Variants in C4BPA observed in about 807,000 individuals in gnomAD.
The protein encoded by C4BPA is complement component 4 binding protein alpha, also known as C4b-binding protein alpha chain.
Under a neutral mutation model 63.7 loss-of-function variants are expected in C4BPA, and 31 were observed. The observed-to-expected ratio is 0.49, with a 90% CI of 0.37 to 0.66. C4BPA has a LOEUF of 0.66. Among genes scored for constraint, C4BPA ranks in the 30% least tolerant of loss-of-function variants. C4BPA has a pLI of 0.00. For missense variants in C4BPA, 572 were observed against 723.3 expected (o/e 0.79, Z 2.40); for synonymous variants, 259 against 254.7 (o/e 1.02, Z -0.16).
At chr1:207,142,794 TG>T (rs1264381319) in intron 10 of C4BPA, among the ~76,000 whole-genome samples, 16 of 152,184 alleles carry the variant, frequency 1.1e-4, no homozygotes, top group Non-Finnish European at 2.9e-5. Flanking sequence ...GTTGGGATTC[TG>T]GGGTCACATA....
rs78558238 is a variant in C4BPA at position 207,137,998 on chromosome 1, T to C, written c.1274-3108T>C. ...TAATGGGGAATGTCCAACCCTCTCT[T>C]CCAACATGGCCTGAACAAGATGTTC... On this transcript the variant is annotated intron_variant, in intron 9 of 11. Coordinates refer to ENST00000367070, the MANE Select transcript of C4BPA (RefSeq NM_000715.4). Among the ~76,000 whole-genome samples the C allele has an allele frequency of 2.6e-3, 399 of 152,322 alleles. 1 individual carries two copies. Among genetic ancestry groups the C allele is most frequent in the African/African-American group, 9.4e-3 (390 of 41,562 alleles).
intron 6 of C4BPA, 67 bp from the exon 7 acceptor site, chr1:207,126,646 G>A: frequency 8.8e-7 from 1 of 1,141,694 alleles, no homozygotes; most frequent in Non-Finnish European, 1.3e-6. Context: ...TGGATTAGCA[G>A]TGGCAGTAAT....
rs991616496 is a variant in C4BPA, at chr1:207,134,664, G to T, written c.1273+72G>T. Reference sequence around the variant, plus strand: ...GTGTGATGGAGATTATTAAGAGAAGGTTTAAAATTAGGTAAAAAAATTCAT... The same window carrying T: ...GTGTGATGGAGATTATTAAGAGAAGTTTTAAAATTAGGTAAAAAAATTCAT... On this transcript the variant is annotated intron_variant, in intron 9 of 11. Coordinates refer to ENST00000367070, the MANE Select transcript of C4BPA (RefSeq NM_000715.4). 1.1e-5 allele frequency: 12 copies of T among 1,136,552 alleles called. No homozygotes were observed. In the South Asian group the frequency reaches 2.0e-4, roughly 19 times the overall value. The allele number at this position is 1,136,552 out of a possible 1,614,324, so 70.4% of individuals were successfully genotyped here.
chr1:207,115,421 C>A lies in C4BPA; in HGVS notation c.334C>A (p.Arg112=). Reference sequence around the variant, plus strand: ...CATTTAAATTTTTCTCCCAGACAAACGATGCAGACACCCAGGAGAGTTACG... The same window carrying A: ...CATTTAAATTTTTCTCCCAGACAAAAGATGCAGACACCCAGGAGAGTTACG... ...WVYNTFCIYK[R]CRHPGELRNG... is the part of the protein sequence containing the mutation. Residue 112 remains arginine, a synonymous_variant, in exon 4 of 12, where the codon CGA becomes AGA. Coordinates refer to ENST00000367070, the MANE Select transcript of C4BPA (RefSeq NM_000715.4). 6.4e-7 allele frequency: 1 copy of A among 1,573,822 alleles called. No individual in the cohort carries two copies. Among genetic ancestry groups the A allele is most frequent in the Non-Finnish European group, 8.6e-7 (1 of 1,158,344 alleles).
chr1:207,143,772 TTCTTCATAGATTTACAGATTTCTTAA>T lies in C4BPA; in HGVS notation c.1445-45_1445-20del. On this transcript the variant is annotated intron_variant, in intron 10 of 11. Coordinates refer to ENST00000367070, the MANE Select transcript of C4BPA (RefSeq NM_000715.4). ...ATTATCCGAGACTGTTATCATGTCC[TTCTTCATAGATTTACAGATTTCTTAA>T]AAATATGTTTCCATTACAGCTCTGT... is the stretch of plus-strand genomic sequence containing the variant. 7.4e-7 allele frequency: 1 copy of T among 1,347,652 alleles called. No individual in the cohort carries two copies. Among genetic ancestry groups the T allele is most frequent in the Non-Finnish European group, 1.1e-6 (1 of 942,922 alleles). The allele number at this position is 1,347,652 out of a possible 1,614,324, so 83.5% of individuals were successfully genotyped here. A position where few individuals can be genotyped will look rare whatever the true frequency, so the allele number is the denominator to read the frequency against.
chr1:207,138,866 T>C (rs1330551997), intron 9 of C4BPA, among the ~76,000 whole-genome samples: 1 of 152,194 alleles, frequency 6.6e-6, no homozygotes, highest in African/African-American at 2.4e-5. Flanking sequence ...TCCCTGAACC[T>C]TGGACCTCTG....
chr1:207,127,101 G>T (rs1223349423), intron 7 of C4BPA: 1 of 431,736 alleles, frequency 2.3e-6, no homozygotes, highest in Non-Finnish European at 4.1e-6. Flanking sequence ...ACACAAAACT[G>T]CCACATACCA....
intron 8 of C4BPA, among the ~76,000 whole-genome samples, chr1:207,132,827 A>G (rs1685190713): frequency 6.6e-6 from 1 of 152,106 alleles, no homozygotes; most frequent in Non-Finnish European, 1.5e-5. Flanking sequence ...GTTTGAGACC[A>G]GCCTGGGCAA....
rs1685049147 is a variant in C4BPA, at chr1:207,126,607, T to G, written c.707-106T>G. On this transcript the variant is annotated intron_variant, in intron 6 of 11. Coordinates refer to ENST00000367070, the MANE Select transcript of C4BPA (RefSeq NM_000715.4). ...CCTTGTATCTACTTGACATGCACAT[T>G]CAACAGGCATTTGTGTTGCACTTGT... 4 of 747,228 alleles carry G rather than the reference T, an allele frequency of 5.4e-6. No individual in the cohort carries two copies. The Admixed American group carries it at 7.4e-5, about 14-fold the overall frequency. The allele number at this position is 747,228 out of a possible 1,614,324, so 46.3% of individuals were successfully genotyped here. A position where few individuals can be genotyped will look rare whatever the true frequency, so the allele number is the denominator to read the frequency against.
chr1:207,140,157 T>C (rs1395603582), intron 9 of C4BPA, among the ~76,000 whole-genome samples: 1 of 152,230 alleles, frequency 6.6e-6, no homozygotes, highest in Admixed American at 6.5e-5. Flanking sequence ...TGAACCTTTT[T>C]CATTAATGAC....
intron 4 of C4BPA, among the ~76,000 whole-genome samples, chr1:207,118,800 A>C (rs1406511777): frequency 2.0e-5 from 3 of 152,204 alleles, no homozygotes; most frequent in African/African-American, 7.2e-5. Context: ...CCCAATTTTT[A>C]GATTTCCATT....
intron 4 of C4BPA, among the ~76,000 whole-genome samples, chr1:207,116,199 T>C (rs1456068215): frequency 6.6e-6 from 1 of 152,226 alleles, no homozygotes; most frequent in Non-Finnish European, 1.5e-5. Flanking sequence ...TTTCGAAAAC[T>C]TGTCAAATTT....
At chr1:207,111,525 C>T (rs566541170) in intron 1 of C4BPA, among the ~76,000 whole-genome samples, 49 of 152,264 alleles carry the variant, frequency 3.2e-4, no homozygotes, top group African/African-American at 1.1e-3. Context: ...TTATGTGAGT[C>T]TTTACTCAAT....
intron 11 of C4BPA, 95 bp from the exon 12 acceptor site, chr1:207,144,449 G>C: frequency 8.9e-7 from 1 of 1,127,982 alleles, no homozygotes; most frequent in Non-Finnish European, 1.2e-6. Flanking sequence ...GGTTGGTCTT[G>C]GTTCAATCCT....
chr1:207,116,550 G>GTA (rs1558088635), intron 4 of C4BPA, among the ~76,000 whole-genome samples: 10 of 148,068 alleles, frequency 6.8e-5, no homozygotes, highest in African/African-American at 2.5e-4. Flanking sequence ...GTGTGTGTGT[G>GTA]TGTGTGTGTA....
intron 1 of C4BPA, 158 bp from the exon 2 acceptor site, chr1:207,112,843 T>C (rs1297273918): frequency 2.3e-5 from 14 of 598,998 alleles, no homozygotes. Flanking sequence ...CAATCCTTAC[T>C]GTCTTGTGCT....
chr1:207,126,472 A>T (rs1484182165), intron 6 of C4BPA, among the ~76,000 whole-genome samples: 1 of 149,208 alleles, frequency 6.7e-6, no homozygotes, highest in Non-Finnish European at 1.5e-5. Flanking sequence ...AACTTCTTCA[A>T]CTTCTCCACC....
Position 207,119,813 on chromosome 1 carries a change from CA to C in C4BPA, c.429-4107del, listed in dbSNP as rs1684883661. The stretch of plus-strand genomic sequence containing the variant: ...ACAACTTTTATGGTCCTTGTTTATG[CA>C]ACTGGTCATGTGGTTGTAGCAGATA... On this transcript the variant is annotated intron_variant, in intron 4 of 11. Coordinates refer to ENST00000367070, the MANE Select transcript of C4BPA (RefSeq NM_000715.4). Among the ~76,000 whole-genome samples the C allele has an allele frequency of 4.4e-4, 13 of 29,222 alleles. 2 individuals are homozygous for C. Among genetic ancestry groups the C allele is most frequent in the Non-Finnish European group, 1.3e-3 (10 of 7,936 alleles). 19.2% of individuals were successfully genotyped at this position (29,222 alleles called of 152,430 possible). A position where few individuals can be genotyped will look rare whatever the true frequency, so the allele number is the denominator to read the frequency against.
chr1:207,135,294 C>T (rs571203219), intron 9 of C4BPA, among the ~76,000 whole-genome samples: 18 of 152,122 alleles, frequency 1.2e-4, no homozygotes, highest in Non-Finnish European at 8.8e-5. Context: ...GCCGAGATCA[C>T]GCCACTGCAT....
Sources: allele counts gnomAD v4.1 joint callset (sites outside exome capture counted in the v4.1 genomes callset), GRCh38; gene constraint gnomAD v4.1.1; transcripts MANE v1.5; gene names NCBI Gene and HGNC (gene_info 2026-07-23, HGNC 2026-07-21).